The following RGS6 variants were observed in gnomAD, a reference collection of about 807,000 sequenced individuals.
The protein encoded by RGS6 is regulator of G protein signaling 6.
RGS6 carries 30 observed loss-of-function variants against 78.5 expected under a neutral mutation model. The ratio of observed to expected loss-of-function variants is 0.38; its 90% CI spans 0.29 to 0.52. The LOEUF (loss-of-function observed/expected upper bound fraction) is 0.52, where lower values mean the gene tolerates loss of function less well. RGS6 is among the 20% of genes least tolerant of loss of function. The probability of loss-of-function intolerance (pLI) is 0.85; values close to 1 mark genes in which losing one functional copy is unlikely to be tolerated. For missense variants in RGS6, 495 were observed against 609.7 expected (o/e 0.81, Z 1.98); for synonymous variants, 206 against 206.0 (o/e 1.00, Z 0.00).
chr14:71,969,918 G>A (rs1462310644), intron 2 of RGS6, among the ~76,000 whole-genome samples: 5 of 152,116 alleles, frequency 3.3e-5, no homozygotes, highest in African/African-American at 9.7e-5. Flanking sequence ...CTATATGCAC[G>A]TTTAAAGGTC....
intron 2 of RGS6, among the ~76,000 whole-genome samples, chr14:72,091,998 A>T (rs2095282200): frequency 9.0e-6 from 1 of 110,748 alleles, no homozygotes; most frequent in Non-Finnish European, 1.9e-5. Context: ...CTATAGCTTC[A>T]GCCTTTTGTT....
At chr14:72,268,705 T>C (rs752959764) in intron 2 of RGS6, among the ~76,000 whole-genome samples, 13 of 152,186 alleles carry the variant, frequency 8.5e-5, no homozygotes, top group Non-Finnish European at 1.8e-4. Context: ...AAAGAGACTT[T>C]AGGTGAGAAA....
chr14:71,963,854 CAGTT>C (rs1489871587), intron 1 of RGS6, among the ~76,000 whole-genome samples: 1 of 152,074 alleles, frequency 6.6e-6, no homozygotes, highest in Non-Finnish European at 1.5e-5. Context: ...TATTTGTTTT[CAGTT>C]AGTTTGTGTA....
chr14:72,525,902 G>A lies in RGS6; in HGVS notation c.1278+7365G>A, dbSNP rs181218488. Among the ~76,000 whole-genome samples the A allele has an allele frequency of 7.7e-4, 118 of 152,280 alleles. 1 individual carries two copies. Among genetic ancestry groups the A allele is most frequent in the African/African-American group, 2.6e-3 (110 of 41,552 alleles). On this transcript the variant is annotated intron_variant, in intron 15 of 17. Coordinates refer to ENST00000553525, the MANE Select transcript of RGS6 (RefSeq NM_001204424.2). ...TTATTTTTGGGAGATGAACAGCAGA[G>A]GGAGGGATGCATTTTGCAGAGAATA... is the stretch of plus-strand genomic sequence containing the variant.
At chr14:72,117,046 T>C (rs1484348432) in intron 2 of RGS6, among the ~76,000 whole-genome samples, 1 of 151,488 alleles carries the variant, frequency 6.6e-6, no homozygotes, top group Non-Finnish European at 1.5e-5. Flanking sequence ...AGGAAGCCCT[T>C]GCCGAGGAAG....
intron 2 of RGS6, among the ~76,000 whole-genome samples, chr14:72,052,974 T>TTTCC (rs2093362859): frequency 1.1e-4 from 5 of 46,706 alleles, no homozygotes; most frequent in Admixed American, 5.1e-4. Context: ...TCTTTCTTTC[T>TTTCC]TTCTTTCTTT....
At chr14:72,229,422 C>A (rs1303926126) in intron 2 of RGS6, among the ~76,000 whole-genome samples, 3 of 152,082 alleles carry the variant, frequency 2.0e-5, no homozygotes, top group African/African-American at 7.2e-5. Flanking sequence ...TCCATCCTGA[C>A]CCTCTAAAGC....
chr14:72,177,826 G>C (rs999190859), intron 2 of RGS6, among the ~76,000 whole-genome samples: 3 of 152,166 alleles, frequency 2.0e-5, no homozygotes, highest in Non-Finnish European at 4.4e-5. Context: ...AATTTACTGA[G>C]AAAAGCCCAG....
intron 2 of RGS6, among the ~76,000 whole-genome samples, chr14:72,269,932 A>G (rs2059677960): frequency 6.6e-6 from 1 of 152,204 alleles, no homozygotes; most frequent in Admixed American, 6.5e-5. Flanking sequence ...CCAGGAAATT[A>G]GAGGATAAAA....
chr14:72,194,735 A>C (rs573091239), intron 2 of RGS6, among the ~76,000 whole-genome samples: 10 of 152,342 alleles, frequency 6.6e-5, no homozygotes, highest in African/African-American at 2.4e-4. Flanking sequence ...ACATGTTCAG[A>C]AGATATTTGT....
In RGS6 at chr14:71,962,326, C is replaced by T. The variant is rs577998127; in HGVS notation, c.-20-2446C>T. ...AGGCCGGGCAGAGGGAGGCCTGACA[C>T]GTTTGTTTCTAGGTCATTTCTAACC... On this transcript the variant is annotated intron_variant, in intron 1 of 17. Transcript: ENST00000553525. 5.9e-5 allele frequency among the ~76,000 whole-genome samples: 9 copies of T among 152,188 alleles called. No homozygotes were observed. The South Asian group carries it at 8.3e-4, about 14-fold the overall frequency.
chr14:72,540,842 C>T (rs769607862), intron 17 of RGS6: 25 of 985,220 alleles, frequency 2.5e-5, no homozygotes, highest in African/African-American at 1.0e-4. Context: ...GTTCATGGTA[C>T]GCCCCAGCTA....
intron 2 of RGS6, among the ~76,000 whole-genome samples, chr14:72,219,186 G>T (rs2046302925): frequency 6.6e-6 from 1 of 152,080 alleles, no homozygotes; most frequent in Non-Finnish European, 1.5e-5. Context: ...ATGTCATCTT[G>T]TTCTGCCTGG....
intron 2 of RGS6, among the ~76,000 whole-genome samples, chr14:72,116,077 G>A (rs539979764): frequency 6.6e-6 from 1 of 152,334 alleles, no homozygotes; most frequent in South Asian, 2.1e-4. Context: ...CAGTAATAGT[G>A]TATGGCAAGC....
chr14:71,887,267 G>C, the RGS6 span, among the ~76,000 whole-genome samples: 3 of 152,126 alleles, frequency 2.0e-5, no homozygotes, highest in Non-Finnish European at 2.9e-5. Flanking sequence ...TGTGTTAACT[G>C]TACAAATTGA....
intron 15 of RGS6, among the ~76,000 whole-genome samples, chr14:72,521,615 T>C (rs1444974272): frequency 6.6e-6 from 1 of 152,244 alleles, no homozygotes; most frequent in Non-Finnish European, 1.5e-5. Flanking sequence ...AGGATTAGTC[T>C]CCCATGAATT....
intron 2 of RGS6, among the ~76,000 whole-genome samples, chr14:71,969,601 G>GT (rs543236253): frequency 2.0e-5 from 3 of 152,102 alleles, no homozygotes; most frequent in African/African-American, 7.2e-5. Context: ...TCTACTTCTT[G>GT]TTTTGTTTTC....
At chr14:71,938,139 G>A (rs1165325482) in intron 1 of RGS6, among the ~76,000 whole-genome samples, 1 of 152,184 alleles carries the variant, frequency 6.6e-6, no homozygotes, top group Non-Finnish European at 1.5e-5. Context: ...CTCCTCTGCT[G>A]AGGTCACCCG....
In RGS6 at chr14:72,044,965, G is replaced by A. The variant is rs569455794; in HGVS notation, c.84+80090G>A. 2.0e-5 allele frequency among the ~76,000 whole-genome samples: 3 copies of A among 152,358 alleles called. No individual in the cohort carries two copies. The South Asian group carries it at 6.2e-4, about 32-fold the overall frequency. On this transcript the variant is annotated intron_variant, in intron 2 of 17. Coordinates refer to ENST00000553525, the MANE Select transcript of RGS6 (RefSeq NM_001204424.2). ...TGGGTCTTGTATCTGCAGTCCCGCA[G>A]TTTCTTAGGCCTTCAGCCTTGGACT...
Sources: allele counts gnomAD v4.1 joint callset (sites outside exome capture counted in the v4.1 genomes callset), GRCh38; gene constraint gnomAD v4.1.1; transcripts MANE v1.5; gene names NCBI Gene and HGNC (gene_info 2026-07-23, HGNC 2026-07-21).